The following RIGI variants were observed in gnomAD, a reference collection of about 807,000 sequenced individuals.
RIGI encodes the protein antiviral innate immune response receptor RIG-I.
At chr9:32,490,080 A>C in the RIGI span, among the ~76,000 whole-genome samples, 7 of 152,244 alleles carry the variant, frequency 4.6e-5, no homozygotes, top group African/African-American at 1.7e-4. Flanking sequence ...AACTCACACG[A>C]AAGACATGTA....
the RIGI span, among the ~76,000 whole-genome samples, chr9:32,478,406 G>A: frequency 2.0e-5 from 3 of 151,912 alleles, no homozygotes; most frequent in African/African-American, 2.4e-5. Context: ...TACACCTATT[G>A]TTATCTATAT....
At chr9:32,501,393 T>C in the RIGI span, among the ~76,000 whole-genome samples, 1 of 151,798 alleles carries the variant, frequency 6.6e-6, no homozygotes, top group East Asian at 2.0e-4. Context: ...TAGTCTCAGC[T>C]ACTTTGGAGG....
the RIGI span, chr9:32,525,943 A>G: frequency 1.2e-6 from 1 of 828,092 alleles, no homozygotes; most frequent in Admixed American, 2.0e-5. Flanking sequence ...CGGAGATCTT[A>G]CCACAAACCT....
chr9:32,456,131 T>C, the RIGI span: 1 of 152,192 alleles, frequency 6.6e-6, no homozygotes, highest in Non-Finnish European at 1.5e-5. Flanking sequence ...GCCTCATCTG[T>C]AACATCCAAG....
the RIGI span, chr9:32,498,250 T>C: frequency 2.2e-6 from 1 of 456,598 alleles, no homozygotes; most frequent in South Asian, 1.5e-5. Flanking sequence ...AACTCCACCC[T>C]TGGATCTTGC....
chr9:32,513,277 A>C, the RIGI span, among the ~76,000 whole-genome samples: 1 of 152,300 alleles, frequency 6.6e-6, no homozygotes, highest in East Asian at 1.9e-4. Context: ...ATCCTAAGCA[A>C]AAAAGAACAA....
chr9:32,464,357 T>G, the RIGI span, among the ~76,000 whole-genome samples: 1 of 152,106 alleles, frequency 6.6e-6, no homozygotes, highest in Non-Finnish European at 1.5e-5. Flanking sequence ...GAATATAAGA[T>G]TTTCCCTACC....
the RIGI span, chr9:32,500,910 T>A: frequency 6.2e-7 from 1 of 1,614,104 alleles, no homozygotes; most frequent in East Asian, 2.2e-5. Flanking sequence ...CCCTTGTTGT[T>A]TTTCTCAGCC....
the RIGI span, among the ~76,000 whole-genome samples, chr9:32,494,804 T>C: frequency 6.6e-6 from 1 of 152,210 alleles, no homozygotes; most frequent in African/African-American, 2.4e-5. Context: ...CTTATTTCAC[T>C]CAGCACAGCA....
the RIGI span, among the ~76,000 whole-genome samples, chr9:32,477,761 C>A: frequency 4.6e-5 from 7 of 151,904 alleles, no homozygotes; most frequent in Non-Finnish European, 8.8e-5. Context: ...CCCATCTCTA[C>A]TTAAAATACA....
At chr9:32,489,347 T>A in the RIGI span, 3 of 1,606,566 alleles carry the variant, frequency 1.9e-6, no homozygotes, top group Non-Finnish European at 2.6e-6. Flanking sequence ...GGCTTACCTG[T>A]AGGAGCACAT....
the RIGI span, among the ~76,000 whole-genome samples, chr9:32,474,892 T>C: frequency 1.3e-5 from 2 of 152,158 alleles, no homozygotes; most frequent in African/African-American, 4.8e-5. Flanking sequence ...TGGTCATGGA[T>C]TAGAACACTC....
chr9:32,491,236 A>G, the RIGI span: 1 of 1,574,274 alleles, frequency 6.4e-7, no homozygotes, highest in African/African-American at 1.4e-5. Flanking sequence ...GGTACTGCAA[A>G]ACAAGCCCCC....
At chr9:32,476,350 T>C in the RIGI span, among the ~76,000 whole-genome samples, 1 of 151,862 alleles carries the variant, frequency 6.6e-6, no homozygotes, top group Non-Finnish European at 1.5e-5. Flanking sequence ...AATAAACAAA[T>C]TAGCTGGGCA....
At chr9:32,456,342 A>C in the RIGI span, 1 of 152,152 alleles carries the variant, frequency 6.6e-6, no homozygotes, top group African/African-American at 2.4e-5. Context: ...ACATTGCTAC[A>C]TACAGCAACT....
At chr9:32,484,494 T>G in the RIGI span, among the ~76,000 whole-genome samples, 1 of 152,076 alleles carries the variant, frequency 6.6e-6, no homozygotes, top group Non-Finnish European at 1.5e-5. Flanking sequence ...CTGGCATTCA[T>G]AGAGGTGCCT....
chr9:32,485,517 G>A, the RIGI span: 1 of 557,818 alleles, frequency 1.8e-6, no homozygotes, highest in East Asian at 3.8e-5. Flanking sequence ...TCATGGTGTA[G>A]GTCTAACTAG....
At chr9:32,467,696 G>T in the RIGI span, 1 of 1,424,960 alleles carries the variant, frequency 7.0e-7, no homozygotes, top group Non-Finnish European at 9.4e-7. Context: ...AGGCCAGAAT[G>T]ACACATACAC....
At chr9:32,471,486 G>T in the RIGI span, among the ~76,000 whole-genome samples, 1 of 151,950 alleles carries the variant, frequency 6.6e-6, no homozygotes, top group Non-Finnish European at 1.5e-5. Flanking sequence ...ATGATTAAAA[G>T]GTCCATTTTT....
Sources: gnomAD v4.1 joint callset for allele counts (sites outside exome capture counted in the v4.1 genomes callset) on GRCh38, gnomAD v4.1.1 for gene constraint, MANE v1.5 for transcripts, NCBI Gene and HGNC (gene_info 2026-07-23, HGNC 2026-07-21) for gene names.